Variants in DCC observed in about 807,000 individuals in gnomAD.
The protein encoded by DCC is DCC netrin 1 receptor, also known as netrin receptor DCC.
Under a neutral mutation model 172.5 loss-of-function variants are expected in DCC, and 58 were observed. The ratio of observed to expected loss-of-function variants is 0.34; its 90% confidence interval spans 0.27 to 0.42. The LOEUF (loss-of-function observed/expected upper bound fraction) is 0.42, where lower values mean the gene tolerates loss of function less well. DCC is among the 10% of genes least tolerant of loss of function. The probability of loss-of-function intolerance (pLI) is 1.00; values close to 1 mark genes in which losing one functional copy is unlikely to be tolerated. For synonymous variants in DCC, 709 were observed against 644.5 expected (o/e 1.10, Z -1.52); for missense variants, 1,740 against 1,791.0 (o/e 0.97, Z 0.51).
intron 1 of DCC, among the ~76,000 whole-genome samples, chr18:52,352,999 G>C (rs959122434): frequency 6.6e-6 from 1 of 152,152 alleles, no homozygotes; most frequent in African/African-American, 2.4e-5. Context: ...GGTGATCCTT[G>C]CCTCTATTCT....
chr18:53,516,768 G>T lies in DCC; in HGVS notation c.4112-9849G>T, dbSNP rs1452716934. ...ATGAGATACCATCTCACACCAGTTA[G>T]AATGGCAATCATTAAAAAGTCAGGA... is the stretch of plus-strand genomic sequence containing the variant. On this transcript the variant is annotated intron_variant, in intron 27 of 28. Coordinates refer to ENST00000442544, the MANE Select transcript of DCC (RefSeq NM_005215.4). 2.1e-5 allele frequency among the ~76,000 whole-genome samples: 3 copies of T among 145,490 alleles called. No homozygotes were observed. The East Asian group carries it at 6.0e-4, about 29-fold the overall frequency.
intron 3 of DCC, among the ~76,000 whole-genome samples, chr18:52,906,813 A>G (rs992614814): frequency 3.3e-5 from 5 of 149,942 alleles, no homozygotes; most frequent in African/African-American, 4.9e-5. Context: ...TTCAATATTA[A>G]AATTAGGCTG....
At chr18:52,387,204 G>A (rs1985834153) in intron 1 of DCC, among the ~76,000 whole-genome samples, 1 of 152,144 alleles carries the variant, frequency 6.6e-6, no homozygotes, top group African/African-American at 2.4e-5. Context: ...TAAGCAGTGA[G>A]TTAGTGCTTT....
intron 5 of DCC, among the ~76,000 whole-genome samples, chr18:52,925,664 A>G (rs1051249532): frequency 2.0e-5 from 3 of 152,034 alleles, no homozygotes. Context: ...AATAAATATG[A>G]TATTACAAAA....
intron 12 of DCC, among the ~76,000 whole-genome samples, chr18:53,284,624 A>G (rs1421789962): frequency 6.6e-6 from 1 of 152,140 alleles, no homozygotes. Flanking sequence ...AAAATGGACT[A>G]ATACAGTAAA....
chr18:52,774,767 A>G (rs2037399953), intron 2 of DCC, among the ~76,000 whole-genome samples: 1 of 25,596 alleles, frequency 3.9e-5, no homozygotes. Context: ...AAGGTTAAGG[A>G]GAGGTGCCCC....
At chr18:52,923,251 T>C (rs2040151983) in intron 3 of DCC, among the ~76,000 whole-genome samples, 2 of 152,180 alleles carry the variant, frequency 1.3e-5, no homozygotes, top group Non-Finnish European at 2.9e-5. Flanking sequence ...CGCTATTTAA[T>C]ACAATTTGAA....
chr18:52,906,665 C>T (rs1401097360), intron 3 of DCC, among the ~76,000 whole-genome samples: 2 of 151,856 alleles, frequency 1.3e-5, no homozygotes, highest in East Asian at 3.9e-4. Flanking sequence ...TGATAACAGT[C>T]TAAGAGGTAG....
intron 1 of DCC, among the ~76,000 whole-genome samples, chr18:52,744,939 T>C (rs1374588378): frequency 6.6e-6 from 1 of 152,186 alleles, no homozygotes; most frequent in Non-Finnish European, 1.5e-5. Flanking sequence ...TGTCACTGTT[T>C]AGAAGAAATC....
intron 2 of DCC, among the ~76,000 whole-genome samples, chr18:52,798,757 C>CTT (rs201788408): frequency 0.053 from 4,441 of 83,102 alleles, 85 homozygotes; most frequent in Middle Eastern, 0.12. Flanking sequence ...AGTTTTGTAT[C>CTT]TTTTTTTTTT....
chr18:53,045,012 C>T (rs988399054), intron 5 of DCC, among the ~76,000 whole-genome samples: 1 of 151,372 alleles, frequency 6.6e-6, no homozygotes, highest in African/African-American at 2.4e-5. Flanking sequence ...TATACAGAAA[C>T]AAACAAGGTA....
chr18:53,488,081 CTT>C (rs1363878693), intron 26 of DCC, among the ~76,000 whole-genome samples: 1 of 152,278 alleles, frequency 6.6e-6, no homozygotes, highest in East Asian at 1.9e-4. Context: ...CTCCTACACT[CTT>C]TTGATTTCTT....
At chr18:53,357,083 C>T (rs1045631002) in intron 15 of DCC, among the ~76,000 whole-genome samples, 4 of 152,114 alleles carry the variant, frequency 2.6e-5, no homozygotes, top group South Asian at 4.1e-4. Context: ...CCTATTAATC[C>T]ATTTTGACCA....
At chr18:53,199,188 T>C (rs2055497000) in intron 9 of DCC, among the ~76,000 whole-genome samples, 1 of 151,646 alleles carries the variant, frequency 6.6e-6, no homozygotes, top group Admixed American at 6.6e-5. Context: ...GGATCAGGGA[T>C]CAAGGGATTA....
chr18:52,716,945 G>A (rs2036393704), intron 1 of DCC, among the ~76,000 whole-genome samples: 1 of 152,200 alleles, frequency 6.6e-6, no homozygotes, highest in African/African-American at 2.4e-5. Context: ...GAGGCTAAAT[G>A]GAATTACAAG....
At chr18:53,194,358 G>A (rs1214189823) in intron 9 of DCC, among the ~76,000 whole-genome samples, 3 of 152,210 alleles carry the variant, frequency 2.0e-5, no homozygotes, top group African/African-American at 7.2e-5. Context: ...GAGGTTAAAA[G>A]GCTCCATTTA....
chr18:52,659,438 C>T (rs1598995404), intron 1 of DCC, among the ~76,000 whole-genome samples: 4 of 152,088 alleles, frequency 2.6e-5, no homozygotes, highest in South Asian at 4.1e-4. Flanking sequence ...CTTAACCCAA[C>T]GATAATGAAG....
At chr18:52,887,534 A>G (rs965461491) in intron 2 of DCC, among the ~76,000 whole-genome samples, 2 of 152,324 alleles carry the variant, frequency 1.3e-5, no homozygotes, top group Non-Finnish European at 2.9e-5. Flanking sequence ...GATCTTGTCC[A>G]CGATGATAGA....
intron 5 of DCC, among the ~76,000 whole-genome samples, chr18:53,030,357 TACTC>T (rs1156495320): frequency 6.6e-6 from 1 of 152,138 alleles, no homozygotes; most frequent in Non-Finnish European, 1.5e-5. Context: ...ACATAATATA[TACTC>T]AATAAAGTGT....
Sources: gnomAD v4.1 joint callset for allele counts (sites outside exome capture counted in the v4.1 genomes callset) on GRCh38, gnomAD v4.1.1 for gene constraint, MANE v1.5 for transcripts, NCBI Gene and HGNC (gene_info 2026-07-23, HGNC 2026-07-21) for gene names.